HPSE2: variants seen among roughly 807,000 people sequenced by gnomAD.
HPSE2 encodes the protein inactive heparanase-2.
A neutral mutation model predicts 60.5 loss-of-function variants in HPSE2; 38 were observed. That is an observed-to-expected ratio of 0.63 (90% confidence interval 0.48 to 0.82). HPSE2 has a LOEUF of 0.82. HPSE2 is among the 40% of genes least tolerant of loss of function. The pLI is 0.00. For synonymous variants in HPSE2, 295 were observed against 293.2 expected (o/e 1.01, Z -0.06); for missense variants, 713 against 740.4 (o/e 0.96, Z 0.43).
chr10:98,537,075 G>A (rs939709285), intron 9 of HPSE2, among the ~76,000 whole-genome samples: 4 of 152,146 alleles, frequency 2.6e-5, no homozygotes, highest in Non-Finnish European at 5.9e-5. Flanking sequence ...TTGAAAGAGA[G>A]GCCAAAATAA....
At chr10:99,136,308 G>A (rs1035584942) in intron 3 of HPSE2, among the ~76,000 whole-genome samples, 10 of 152,044 alleles carry the variant, frequency 6.6e-5, no homozygotes, top group Non-Finnish European at 1.2e-4. Context: ...TTCTACCAGA[G>A]GTACAAAGAG....
chr10:99,272,654 A>G, the HPSE2 span, among the ~76,000 whole-genome samples: 1 of 145,488 alleles, frequency 6.9e-6, no homozygotes, highest in Non-Finnish European at 1.5e-5. Flanking sequence ...CAAATGTTCA[A>G]CAAACATATG....
chr10:98,746,760 C>T (rs1272186469), intron 3 of HPSE2, among the ~76,000 whole-genome samples: 1 of 151,158 alleles, frequency 6.6e-6, no homozygotes, highest in Non-Finnish European at 1.5e-5. Context: ...ACTTTGAGGC[C>T]CACTTGTATA....
intron 9 of HPSE2, among the ~76,000 whole-genome samples, chr10:98,592,025 T>C (rs184466241): frequency 5.1e-4 from 78 of 152,348 alleles, no homozygotes; most frequent in African/African-American, 7.2e-4. Context: ...ACAGATTGTG[T>C]CCTTCCCTAA....
chr10:98,484,293 A>G (rs1591250543), intron 10 of HPSE2, among the ~76,000 whole-genome samples: 1 of 149,948 alleles, frequency 6.7e-6, no homozygotes. Flanking sequence ...GCTGGAGTGC[A>G]GTGGCACGAT....
At chr10:98,995,633 A>G (rs907009655) in intron 3 of HPSE2, among the ~76,000 whole-genome samples, 1 of 152,192 alleles carries the variant, frequency 6.6e-6, no homozygotes, top group Non-Finnish European at 1.5e-5. Flanking sequence ...ACTTCTACTT[A>G]TCAAAAAACA....
intron 3 of HPSE2, among the ~76,000 whole-genome samples, chr10:98,759,018 G>A (rs1450249088): frequency 6.6e-6 from 1 of 152,084 alleles, no homozygotes; most frequent in East Asian, 1.9e-4. Context: ...AAAAGAATGA[G>A]CTCATGTCCT....
At chr10:99,278,327 A>G in the HPSE2 span, among the ~76,000 whole-genome samples, 1 of 152,148 alleles carries the variant, frequency 6.6e-6, no homozygotes, top group Non-Finnish European at 1.5e-5. Flanking sequence ...TGTCCTCACA[A>G]AATAATAATT....
the HPSE2 span, among the ~76,000 whole-genome samples, chr10:99,253,749 A>G: frequency 6.6e-6 from 1 of 152,204 alleles, no homozygotes; most frequent in Non-Finnish European, 1.5e-5. Context: ...AGGAACTTAA[A>G]CAACTGAACA....
chr10:98,717,264 T>C (rs1948814206), intron 5 of HPSE2, among the ~76,000 whole-genome samples: 1 of 152,146 alleles, frequency 6.6e-6, no homozygotes, highest in Admixed American at 6.6e-5. Flanking sequence ...ATCTTCTATC[T>C]AGATCACTAC....
intron 3 of HPSE2, among the ~76,000 whole-genome samples, chr10:98,922,448 C>G (rs562124750): frequency 1.3e-5 from 2 of 152,108 alleles, no homozygotes; most frequent in East Asian, 1.9e-4. Flanking sequence ...CATGAAGATA[C>G]GAGGGAGAAC....
Position 98,713,152 on chromosome 10 carries a change from G to A in HPSE2, c.956+8505C>T, listed in dbSNP as rs558377983. Among the ~76,000 whole-genome samples, 9 of 152,008 alleles carry A rather than the reference G, an allele frequency of 5.9e-5. No homozygotes were observed. In the South Asian group the frequency reaches 1.9e-3, roughly 32 times the overall value. On this transcript the variant is annotated intron_variant, in intron 5 of 11. Coordinates refer to ENST00000370552, the MANE Select transcript of HPSE2 (RefSeq NM_021828.5). The stretch of plus-strand genomic sequence containing the variant: ...AACCAGGCCCATGAGGACTGAGTGA[G>A]GTAAGAAAAAGAGAATGTGGTAGAA...
At chr10:98,758,500 A>G (rs1305182582) in intron 3 of HPSE2, among the ~76,000 whole-genome samples, 1 of 152,172 alleles carries the variant, frequency 6.6e-6, no homozygotes, top group Non-Finnish European at 1.5e-5. Flanking sequence ...AAGCCAAACA[A>G]TCCCACTAAA....
intron 3 of HPSE2, among the ~76,000 whole-genome samples, chr10:98,979,023 C>T (rs977775760): frequency 6.6e-6 from 1 of 152,114 alleles, no homozygotes; most frequent in Admixed American, 6.6e-5. Context: ...TTAGTGCCAC[C>T]GTTTTTACAT....
At chr10:98,620,765 T>G (rs1316315602) in intron 7 of HPSE2, 57 bp from the exon 8 acceptor site, 5 of 1,136,172 alleles carry the variant, frequency 4.4e-6, no homozygotes, top group Non-Finnish European at 3.9e-6. Context: ...TATTCCCACA[T>G]GAGAAGAAAC....
Position 98,936,262 on chromosome 10 carries a change from G to A in HPSE2, c.611-192206C>T, listed in dbSNP as rs372475386. ...GCTCCATGGGAGTGGGACCCACTGA[G>A]CAAGACCACTTGGCTCCCTGGCTTC... On this transcript the variant is annotated intron_variant, in intron 3 of 11. Coordinates refer to ENST00000370552, the MANE Select transcript of HPSE2 (RefSeq NM_021828.5). Among the ~76,000 whole-genome samples the A allele has an allele frequency of 6.2e-5, 9 of 144,288 alleles. 1 individual carries two copies. The South Asian group carries it at 1.9e-3, about 30-fold the overall frequency. The allele number at this position is 144,288 out of a possible 152,430, so 94.7% of individuals were successfully genotyped here.
chr10:98,680,018 C>T (rs557213784), intron 6 of HPSE2, among the ~76,000 whole-genome samples: 1 of 152,226 alleles, frequency 6.6e-6, no homozygotes, highest in South Asian at 2.1e-4. Context: ...TTTTTGAAAA[C>T]TGATTTTTAA....
intron 3 of HPSE2, among the ~76,000 whole-genome samples, chr10:99,132,476 C>T (rs746611677): frequency 6.6e-6 from 1 of 152,072 alleles, no homozygotes; most frequent in South Asian, 2.1e-4. Flanking sequence ...GGAGAAGCTC[C>T]AGTCTGCATC....
intron 9 of HPSE2, among the ~76,000 whole-genome samples, chr10:98,529,236 A>G (rs958989731): frequency 4.6e-5 from 7 of 152,364 alleles, no homozygotes; most frequent in East Asian, 1.9e-4. Context: ...TAATTCTATT[A>G]TCCAGTTAAT....
Sources: allele counts gnomAD v4.1 joint callset (sites outside exome capture counted in the v4.1 genomes callset), GRCh38; gene constraint gnomAD v4.1.1; transcripts MANE v1.5; gene names NCBI Gene and HGNC (gene_info 2026-07-23, HGNC 2026-07-21).